The following TTLL7 variants were observed in gnomAD, a reference collection of about 807,000 sequenced individuals.
TTLL7 encodes tubulin polyglutamylase TTLL7.
TTLL7 carries 53 observed loss-of-function variants against 120.2 expected under a neutral mutation model. The ratio of observed to expected loss-of-function variants is 0.44; its 90% CI spans 0.35 to 0.55. TTLL7 has a LOEUF of 0.55. TTLL7 is among the 20% of genes least tolerant of loss of function. The pLI is 0.00. For missense variants in TTLL7, 803 were observed against 1,054.7 expected, an observed-to-expected ratio of 0.76 and a Z score of 3.31; for synonymous variants, 353 against 351.7, an observed-to-expected ratio of 1.00 and a Z score of -0.04.
intron 14 of TTLL7, among the ~76,000 whole-genome samples, chr1:83,912,661 A>G (rs1657779213): frequency 6.6e-6 from 1 of 152,196 alleles, no homozygotes. Context: ...CCTGGAATAC[A>G]GAGTGAGCCA....
At position 83,890,334 on chromosome 1, in the gene TTLL7, A is replaced by C; in HGVS notation, c.2356T>G (p.Phe786Val). 6.2e-7 allele frequency: 1 copy of C among 1,611,990 alleles called. No individual in the cohort carries two copies. Among genetic ancestry groups the C allele is most frequent in the Non-Finnish European group, 8.5e-7 (1 of 1,179,116 alleles). The part of the protein sequence containing the change: ...WSRGQGLWNC[F>V]CDSGSSWESI... Reference sequence around the variant, plus strand: ...CTTAGAGCTTACCCTGAATCACAGAAACAGTTCCACAGCCCTTGGCCACGA... The same window carrying C: ...CTTAGAGCTTACCCTGAATCACAGACACAGTTCCACAGCCCTTGGCCACGA... Residue 786 changes from phenylalanine (F) to valine (V), a missense_variant, in exon 19 of 21, where the codon TTC becomes GTC. By Grantham distance (50) the Phe-to-Val change is conservative. This residue lies in a region of TTLL7 where 388 missense variants were observed against 450.4 expected (regional missense o/e 0.86). Coordinates refer to ENST00000260505, the MANE Select transcript of TTLL7 (RefSeq NM_024686.6).
chr1:83,970,180 T>C (rs1386241969), intron 1 of TTLL7, among the ~76,000 whole-genome samples: 1 of 152,072 alleles, frequency 6.6e-6, no homozygotes, highest in African/African-American at 2.4e-5. Flanking sequence ...ACAAGGATTA[T>C]GATTGTGAAT....
chr1:83,890,622 T>C (rs1655387179), intron 18 of TTLL7, 141 bp from the exon 19 acceptor site: 4 of 584,804 alleles, frequency 6.8e-6, no homozygotes, highest in African/African-American at 5.9e-5. Context: ...TTTTAAAAAT[T>C]AGCCTGGCAT....
chr1:83,927,343 C>T (rs1224283788), intron 10 of TTLL7, among the ~76,000 whole-genome samples: 1 of 152,072 alleles, frequency 6.6e-6, no homozygotes, highest in Non-Finnish European at 1.5e-5. Flanking sequence ...AGTGATAAGC[C>T]ATATACTATG....
At position 83,974,956 on chromosome 1, in the gene TTLL7, T is replaced by C. The variant is rs969960546; in HGVS notation, c.-176-22569A>G. 3.3e-5 allele frequency among the ~76,000 whole-genome samples: 5 copies of C among 152,056 alleles called. No homozygotes were observed. The East Asian group carries it at 9.6e-4, about 29-fold the overall frequency. ...TCCTGATGATAAAAAATAACCATTT[T>C]CCTCTGTAATAAGCAGTGCTCTCTC... On this transcript the variant is annotated intron_variant, in intron 1 of 20. Transcript: ENST00000260505.
Position 83,921,081 on chromosome 1 carries a change from A to G in TTLL7, c.1364+6T>C. ...TCAATCTATACAAAAATAGCAGCACAGTTACCTATAATTCCCCATATGTCG... is the reference window on the plus strand; with the variant it reads ...TCAATCTATACAAAAATAGCAGCACGGTTACCTATAATTCCCCATATGTCG... On this transcript the variant is annotated splice_donor_region_variant and intron_variant, in intron 12 of 20. Transcript: ENST00000260505. 6.2e-7 allele frequency: 1 copy of G among 1,609,706 alleles called. No individual in the cohort carries two copies. Among genetic ancestry groups the G allele is most frequent in the Non-Finnish European group, 8.5e-7 (1 of 1,178,406 alleles).
intron 1 of TTLL7, among the ~76,000 whole-genome samples, chr1:83,981,727 G>A (rs1014090618): frequency 6.6e-6 from 1 of 151,930 alleles, no homozygotes; most frequent in Admixed American, 6.6e-5. Context: ...CGCTACTCAG[G>A]AGGCTGAGGC....
chr1:83,890,520 A>G (rs1655378424), intron 18 of TTLL7, 39 bp from the exon 19 acceptor site: 1 of 1,534,382 alleles, frequency 6.5e-7, no homozygotes, highest in East Asian at 2.3e-5. Flanking sequence ...CTAGGAATGT[A>G]TATCTGTGTC....
chr1:83,933,292 G>A (rs1384687905), intron 9 of TTLL7, among the ~76,000 whole-genome samples: 5 of 152,132 alleles, frequency 3.3e-5, no homozygotes, highest in Admixed American at 2.0e-4. Flanking sequence ...TCATGATGTG[G>A]TAGAAGCCAG....
chr1:83,962,040 A>C (rs1485366699), intron 1 of TTLL7, among the ~76,000 whole-genome samples: 1 of 152,128 alleles, frequency 6.6e-6, no homozygotes, highest in Non-Finnish European at 1.5e-5. Flanking sequence ...AATAACTTTG[A>C]TCACAAGGTT....
intron 1 of TTLL7, among the ~76,000 whole-genome samples, chr1:83,962,429 T>C (rs1650093324): frequency 6.6e-6 from 1 of 152,132 alleles, no homozygotes; most frequent in Admixed American, 6.6e-5. Context: ...TATTTATATT[T>C]CCATCTACTT....
intron 4 of TTLL7, 195 bp downstream of exon 4, chr1:83,949,670 G>T (rs1248376969): frequency 5.9e-5 from 33 of 563,026 alleles, no homozygotes; most frequent in South Asian, 5.7e-4. Context: ...ATAGAAAGAG[G>T]TTAAAACTTA....
chr1:83,968,911 T>C (rs1334037304), intron 1 of TTLL7, among the ~76,000 whole-genome samples: 2 of 151,990 alleles, frequency 1.3e-5, no homozygotes, highest in Non-Finnish European at 2.9e-5. Flanking sequence ...CTTATCACAA[T>C]GGGAAATAAG....
At chr1:83,889,153 C>T (rs1301899291) in intron 19 of TTLL7, among the ~76,000 whole-genome samples, 2 of 152,006 alleles carry the variant, frequency 1.3e-5, no homozygotes, top group Non-Finnish European at 2.9e-5. Flanking sequence ...GAAGGGGAAG[C>T]AAACATGTCC....
intron 18 of TTLL7, among the ~76,000 whole-genome samples, chr1:83,897,137 T>C (rs1234423875): frequency 1.3e-5 from 2 of 152,012 alleles, no homozygotes; most frequent in African/African-American, 4.8e-5. Context: ...AAGGAAAGCA[T>C]GTGAAAGACT....
intron 16 of TTLL7, 79 bp downstream of exon 16, chr1:83,907,377 C>T: frequency 6.2e-6 from 8 of 1,282,168 alleles, no homozygotes; most frequent in Non-Finnish European, 9.0e-6. Context: ...GAGGTTCAGT[C>T]TGTCCTCCTC....
chr1:83,895,156 A>T (rs1656104206), intron 18 of TTLL7, among the ~76,000 whole-genome samples: 1 of 152,058 alleles, frequency 6.6e-6, no homozygotes, highest in Non-Finnish European at 1.5e-5. Flanking sequence ...ACCTTATTTT[A>T]TTTTAATTTC....
intron 1 of TTLL7, among the ~76,000 whole-genome samples, chr1:83,987,154 C>A (rs1652539978): frequency 6.9e-6 from 1 of 145,852 alleles, no homozygotes; most frequent in South Asian, 2.2e-4. Context: ...TATAATTTTC[C>A]AAAGAAAATT....
rs187216431 is a variant in TTLL7 at position 83,963,757 on chromosome 1, G to A, written c.-176-11370C>T. On this transcript the variant is annotated intron_variant, in intron 1 of 20. Coordinates refer to ENST00000260505, the MANE Select transcript of TTLL7 (RefSeq NM_024686.6). The stretch of plus-strand genomic sequence containing the variant: ...GCTAAACTGCTGAGCTACTATATCA[G>A]GGGAATACAGTTCTCTAGAGGTTTT... Among the ~76,000 whole-genome samples, 165 of 152,178 alleles carry A rather than the reference G, an allele frequency of 1.1e-3. 2 individuals carry two copies. The highest frequency in any genetic ancestry group is 2.1e-4 in the Non-Finnish European group (14 of 68,002).
Sources: gnomAD v4.1 joint callset for allele counts (sites outside exome capture counted in the v4.1 genomes callset) on GRCh38, gnomAD v4.1.1 for gene constraint, gnomAD v4.1.1 regional missense constraint, MANE v1.5 for transcripts, NCBI Gene and HGNC (gene_info 2026-07-23, HGNC 2026-07-21) for gene names.